The following MACROD2 variants were observed in gnomAD, a reference collection of about 807,000 sequenced individuals.
MACROD2 encodes the protein mono-ADP ribosylhydrolase 2.
Under a neutral mutation model 70.4 loss-of-function variants are expected in MACROD2, and 36 were observed. The ratio of observed to expected loss-of-function variants is 0.51; its 90% CI spans 0.39 to 0.68. The LOEUF (loss-of-function observed/expected upper bound fraction) is 0.68. MACROD2 is among the 30% of genes least tolerant of loss of function. The pLI, the probability that MACROD2 is intolerant of heterozygous loss-of-function variation, is 0.00. For synonymous variants in MACROD2, 172 were observed against 178.8 expected (o/e 0.96, Z 0.30); for missense variants, 496 against 538.4 (o/e 0.92, Z 0.78).
chr20:15,439,340 TGAG>T (rs1160191374), intron 7 of MACROD2, among the ~76,000 whole-genome samples: 1 of 152,224 alleles, frequency 6.6e-6, no homozygotes, highest in Non-Finnish European at 1.5e-5. Context: ...AATGAAATTT[TGAG>T]GATGGCAGAG....
chr20:14,536,402 T>C (rs952546128), intron 4 of MACROD2, among the ~76,000 whole-genome samples: 1 of 152,162 alleles, frequency 6.6e-6, no homozygotes, highest in East Asian at 1.9e-4. Context: ...TATTATACTT[T>C]AGGAAGAATA....
chr20:14,812,064 A>G (rs1471325284), intron 5 of MACROD2, among the ~76,000 whole-genome samples: 1 of 152,124 alleles, frequency 6.6e-6, no homozygotes, highest in Non-Finnish European at 1.5e-5. Context: ...TGACCCAGCC[A>G]TCCCATTACT....
chr20:15,321,932 A>G (rs2077877734), intron 6 of MACROD2, among the ~76,000 whole-genome samples: 1 of 143,598 alleles, frequency 7.0e-6, no homozygotes. Flanking sequence ...ATCTGGGACT[A>G]CAGGCACATG....
intron 6 of MACROD2, among the ~76,000 whole-genome samples, chr20:15,331,158 C>T (rs1035524780): frequency 1.3e-5 from 2 of 151,696 alleles, no homozygotes; most frequent in Non-Finnish European, 2.9e-5. Flanking sequence ...ATTTGATTTA[C>T]TCTTCTACAA....
intron 8 of MACROD2, among the ~76,000 whole-genome samples, chr20:15,559,119 C>T (rs62195615): frequency 0.056 from 8,318 of 149,872 alleles, 286 homozygotes; most frequent in East Asian, 0.16. Context: ...CCCAGCTACA[C>T]GGGAGGCTGA....
At chr20:14,424,013 C>T (rs1215846995) in intron 3 of MACROD2, among the ~76,000 whole-genome samples, 3 of 152,002 alleles carry the variant, frequency 2.0e-5, no homozygotes, top group Non-Finnish European at 4.4e-5. Context: ...CCGCCCGCCT[C>T]AGCCTCCCAG....
chr20:15,126,452 A>T (rs1339217148), intron 5 of MACROD2, among the ~76,000 whole-genome samples: 1 of 151,940 alleles, frequency 6.6e-6, no homozygotes. Flanking sequence ...ATAAATCATA[A>T]ATTTAAAATT....
chr20:15,441,161 T>A (rs541884226), intron 7 of MACROD2, among the ~76,000 whole-genome samples: 1 of 152,286 alleles, frequency 6.6e-6, no homozygotes, highest in African/African-American at 2.4e-5. Context: ...TGCTTATCAT[T>A]TGGACAGACA....
intron 3 of MACROD2, among the ~76,000 whole-genome samples, chr20:14,235,733 T>C (rs1327197343): frequency 1.3e-5 from 2 of 152,174 alleles, no homozygotes; most frequent in African/African-American, 4.8e-5. Flanking sequence ...GAATTTGATA[T>C]CATTTCCTTT....
chr20:14,568,096 A>C (rs1979926686), intron 4 of MACROD2, among the ~76,000 whole-genome samples: 1 of 152,018 alleles, frequency 6.6e-6, no homozygotes, highest in South Asian at 2.1e-4. Flanking sequence ...ACATTTTATT[A>C]GGGCTTTTAG....
chr20:15,516,006 G>A (rs1353368390), intron 8 of MACROD2, among the ~76,000 whole-genome samples: 1 of 152,206 alleles, frequency 6.6e-6, no homozygotes, highest in Non-Finnish European at 1.5e-5. Context: ...CTTATGATCT[G>A]TTGATCTATA....
chr20:14,410,534 T>C (rs868597571), intron 3 of MACROD2, among the ~76,000 whole-genome samples: 1 of 152,156 alleles, frequency 6.6e-6, no homozygotes, highest in African/African-American at 2.4e-5. Flanking sequence ...AGCTGCAGCA[T>C]GTCAACTGCA....
At chr20:14,603,383 T>C (rs1198567975) in intron 4 of MACROD2, among the ~76,000 whole-genome samples, 1 of 152,208 alleles carries the variant, frequency 6.6e-6, no homozygotes, top group Non-Finnish European at 1.5e-5. Context: ...CAGGGCTGGC[T>C]ACTGGTAGAG....
At chr20:14,394,771 G>C (rs568600596) in intron 3 of MACROD2, among the ~76,000 whole-genome samples, 1 of 152,236 alleles carries the variant, frequency 6.6e-6, no homozygotes, top group East Asian at 1.9e-4. Context: ...TTCCAAGTTT[G>C]CTGAGAAGTT....
chr20:14,822,109 C>A (rs1453646071), intron 5 of MACROD2, among the ~76,000 whole-genome samples: 1 of 151,946 alleles, frequency 6.6e-6, no homozygotes, highest in Admixed American at 6.6e-5. Context: ...TACCATAGAC[C>A]TTTTAGAAGT....
chr20:15,734,569 A>G (rs745323412), intron 8 of MACROD2, among the ~76,000 whole-genome samples: 5 of 152,206 alleles, frequency 3.3e-5, no homozygotes, highest in Non-Finnish European at 5.9e-5. Flanking sequence ...TGTGCGAGGT[A>G]TCCACCTAAG....
At chr20:15,580,912 G>A (rs939509349) in intron 8 of MACROD2, among the ~76,000 whole-genome samples, 18 of 152,124 alleles carry the variant, frequency 1.2e-4, no homozygotes, top group Non-Finnish European at 2.5e-4. Context: ...AAGTCTGTGG[G>A]GCCTGCACAA....
intron 4 of MACROD2, among the ~76,000 whole-genome samples, 186 bp from the exon 5 acceptor site, chr20:14,684,657 C>CT (rs1221011759): frequency 2.0e-5 from 3 of 149,436 alleles, no homozygotes; most frequent in Non-Finnish European, 4.5e-5. Context: ...CACCCCCCCC[C>CT]CCCGGCCCCC....
At chr20:15,970,893 C>G (rs2066220436) in intron 13 of MACROD2, among the ~76,000 whole-genome samples, 1 of 152,128 alleles carries the variant, frequency 6.6e-6, no homozygotes. Flanking sequence ...CAGAGCAAAA[C>G]AGGCAATAGA....
Sources: gnomAD v4.1 joint callset for allele counts (sites outside exome capture counted in the v4.1 genomes callset) on GRCh38, gnomAD v4.1.1 for gene constraint, MANE v1.5 for transcripts, NCBI Gene and HGNC (gene_info 2026-07-23, HGNC 2026-07-21) for gene names.